Variants in GTF2IRD1 observed in about 807,000 individuals in gnomAD.
GTF2IRD1 encodes the protein GTF2I repeat domain containing 1.
Under a neutral mutation model 113.2 loss-of-function variants are expected in GTF2IRD1, and 26 were observed. That is an observed-to-expected ratio of 0.23 (90% CI 0.17 to 0.32). The LOEUF (loss-of-function observed/expected upper bound fraction) is 0.32. GTF2IRD1 is among the 10% of genes least tolerant of loss of function. The probability of loss-of-function intolerance (pLI) is 1.00; values close to 1 mark genes in which losing one functional copy is unlikely to be tolerated. For synonymous variants in GTF2IRD1, 484 were observed against 529.1 expected, an observed-to-expected ratio of 0.91 and a Z score of 1.17; for missense variants, 864 against 1,280.8, an observed-to-expected ratio of 0.67 and a Z score of 4.97.
chr7:74,496,651 GGTGTGTGTGTGA>G (rs1795751173), intron 1 of GTF2IRD1, among the ~76,000 whole-genome samples: 1 of 149,766 alleles, frequency 6.7e-6, no homozygotes, highest in Non-Finnish European at 1.5e-5. Context: ...TGTGCGTGTG[GGTGTGTGTGTGA>G]GTGTGCATGC....
intron 15 of GTF2IRD1, 31 bp downstream of exon 15, chr7:74,544,833 A>G (rs2130649371): frequency 6.4e-7 from 1 of 1,569,046 alleles, no homozygotes; most frequent in South Asian, 1.1e-5. Flanking sequence ...GACATTTTAC[A>G]CCCACCCCCA....
chr7:74,566,006 A>AACACACACACACACACAC (rs66556824), intron 22 of GTF2IRD1, among the ~76,000 whole-genome samples: 6 of 143,216 alleles, frequency 4.2e-5, no homozygotes, highest in South Asian at 2.3e-4. Flanking sequence ...AAGACACACA[A>AACACACACACACACACAC]ACACACACAC....
At chr7:74,489,067 A>G (rs1448208289) in intron 1 of GTF2IRD1, among the ~76,000 whole-genome samples, 2 of 151,136 alleles carry the variant, frequency 1.3e-5, no homozygotes, top group Non-Finnish European at 3.0e-5. Context: ...ATTTGAACCC[A>G]GGAGGCAGAA....
At chr7:74,547,525 C>T (rs1799018987) in intron 17 of GTF2IRD1, among the ~76,000 whole-genome samples, 1 of 149,884 alleles carries the variant, frequency 6.7e-6, no homozygotes, top group African/African-American at 2.5e-5. Context: ...ACTGCAACCT[C>T]CGCTCTGGCT....
chr7:74,532,680 C>T (rs1554349189), intron 9 of GTF2IRD1, among the ~76,000 whole-genome samples: 1 of 152,150 alleles, frequency 6.6e-6, no homozygotes, highest in East Asian at 1.9e-4. Context: ...GCCTCTGGGC[C>T]TGTGGATCCA....
At chr7:74,584,664 G>A (rs1233492772) in intron 22 of GTF2IRD1, among the ~76,000 whole-genome samples, 1 of 152,156 alleles carries the variant, frequency 6.6e-6, no homozygotes, top group African/African-American at 2.4e-5. Context: ...GGCCACCAGG[G>A]GAGCTAGGTG....
intron 21 of GTF2IRD1, among the ~76,000 whole-genome samples, chr7:74,559,249 A>AC (rs1218764732): frequency 2.0e-5 from 3 of 151,742 alleles, no homozygotes; most frequent in East Asian, 1.9e-4. Flanking sequence ...GGGACTGGTC[A>AC]CCCCCCCATG....
intron 24 of GTF2IRD1, among the ~76,000 whole-genome samples, chr7:74,593,719 C>A (rs764891745): frequency 5.2e-5 from 7 of 134,640 alleles, no homozygotes; most frequent in Non-Finnish European, 9.2e-5. Flanking sequence ...GATGACAGAG[C>A]GAGACTCCAT....
At chr7:74,539,309 G>A (rs1334034753) in intron 13 of GTF2IRD1, among the ~76,000 whole-genome samples, 1 of 152,124 alleles carries the variant, frequency 6.6e-6, no homozygotes, top group African/African-American at 2.4e-5. Context: ...TTAGCCAGAT[G>A]TGGTGGTGTG....
At chr7:74,456,630 C>T (rs1259935828) in intron 1 of GTF2IRD1, among the ~76,000 whole-genome samples, 5 of 151,896 alleles carry the variant, frequency 3.3e-5, no homozygotes, top group Non-Finnish European at 7.4e-5. Flanking sequence ...TTGCAGTGAG[C>T]CAAGACCGCA....
intron 1 of GTF2IRD1, among the ~76,000 whole-genome samples, chr7:74,476,096 T>C (rs1303420029): frequency 6.6e-6 from 1 of 151,986 alleles, no homozygotes; most frequent in Non-Finnish European, 1.5e-5. Flanking sequence ...TGGTGAGGGA[T>C]GGGGGTGTGG....
intron 22 of GTF2IRD1, among the ~76,000 whole-genome samples, chr7:74,562,555 C>CTT (rs1167468655): frequency 0.06 from 3,771 of 62,640 alleles, 1,079 homozygotes; most frequent in African/African-American, 0.13. Context: ...CAATTGCCCT[C>CTT]TTTTTTTTTT....
intron 22 of GTF2IRD1, among the ~76,000 whole-genome samples, chr7:74,578,964 G>C (rs1277703616): frequency 6.6e-6 from 1 of 151,096 alleles, no homozygotes; most frequent in Admixed American, 6.6e-5. Flanking sequence ...TCCAGCCTGG[G>C]CAACAGAGCG....
rs587731457 is a variant in GTF2IRD1, at chr7:74,518,852, C to A, written c.605+530C>A. On this transcript the variant is annotated intron_variant, in intron 5 of 26. Coordinates refer to ENST00000424337, the MANE Select transcript of GTF2IRD1 (RefSeq NM_005685.4). ...GCAGTGAGCTGTGATTGCGTCACTG[C>A]ACTCCAGCATGGGCAACAGAGCAAG... Among the ~76,000 whole-genome samples, 3 of 152,196 alleles carry A rather than the reference C, an allele frequency of 2.0e-5. No individual in the cohort carries two copies. In the South Asian group the frequency reaches 6.2e-4, roughly 32 times the overall value.
At chr7:74,543,807 G>A (rs587740752) in intron 14 of GTF2IRD1, among the ~76,000 whole-genome samples, 26 of 151,028 alleles carry the variant, frequency 1.7e-4, no homozygotes, top group Non-Finnish European at 3.0e-4. Flanking sequence ...AGACTGAGGC[G>A]GGTGGATCGT....
chr7:74,494,353 C>T (rs530910343), intron 1 of GTF2IRD1, among the ~76,000 whole-genome samples: 84 of 152,188 alleles, frequency 5.5e-4, no homozygotes, highest in Non-Finnish European at 9.8e-4. Flanking sequence ...CAGCTGGGGC[C>T]CCTTGGGCTT....
At chr7:74,595,330 C>T (rs1343311476) in intron 25 of GTF2IRD1, among the ~76,000 whole-genome samples, 5 of 151,120 alleles carry the variant, frequency 3.3e-5, no homozygotes, top group Admixed American at 6.6e-5. Flanking sequence ...TGCGTGAACC[C>T]GGGAGGCAGA....
At chr7:74,577,119 G>A (rs369943739) in intron 22 of GTF2IRD1, among the ~76,000 whole-genome samples, 5 of 151,560 alleles carry the variant, frequency 3.3e-5, no homozygotes, top group African/African-American at 9.7e-5. Context: ...CTCACTGCAA[G>A]CTCTGCCTCC....
At chr7:74,553,778 AGGGGCTC>A (rs1799448487) in intron 17 of GTF2IRD1, among the ~76,000 whole-genome samples, 1 of 152,132 alleles carries the variant, frequency 6.6e-6, no homozygotes, top group Admixed American at 6.6e-5. Context: ...CCTGGGACTC[AGGGGCTC>A]TGCCCAGCTT....
Sources: gnomAD v4.1 joint callset for allele counts (sites outside exome capture counted in the v4.1 genomes callset) on GRCh38, gnomAD v4.1.1 for gene constraint, MANE v1.5 for transcripts, NCBI Gene and HGNC (gene_info 2026-07-23, HGNC 2026-07-21) for gene names.